The following HCFC1 variants were observed in gnomAD, a reference collection of about 807,000 sequenced individuals.
HCFC1 encodes the protein host cell factor C1.
A neutral mutation model predicts 105.5 loss-of-function variants in HCFC1; 7 were observed. That is an observed-to-expected ratio of 0.07 (90% CI 0.04 to 0.12). The LOEUF (loss-of-function observed/expected upper bound fraction) is 0.12, where lower values mean the gene tolerates loss of function less well. HCFC1 is among the 10% of genes least tolerant of loss of function. The pLI, the probability that HCFC1 is intolerant of heterozygous loss-of-function variation, is 1.00. For synonymous variants in HCFC1, 918 were observed against 828.1 expected, an observed-to-expected ratio of 1.11 and a Z score of -1.86; for missense variants, 1,065 against 1,823.6, an observed-to-expected ratio of 0.58 and a Z score of 7.58.
At chrX:153,949,494 G>T in intron 25 of HCFC1, 59 bp downstream of exon 25, 1 of 1,167,088 alleles carries the variant, frequency 8.6e-7, no homozygotes. Flanking sequence ...ACAAGAGGCT[G>T]AACCCAGCTA....
intron 6 of HCFC1, among the ~76,000 whole-genome samples, chrX:153,960,741 G>GA (rs2004126592): frequency 8.9e-6 from 1 of 112,337 alleles, no homozygotes; most frequent in Non-Finnish European, 1.9e-5. Flanking sequence ...AAGATCTTAA[G>GA]AAAAAACACA....
chrX:153,958,014 C>T lies in HCFC1; in HGVS notation c.2028+11G>A. The T allele has an allele frequency of 8.3e-7, 1 of 1,198,680 alleles. No individual in the cohort carries two copies. Among genetic ancestry groups the T allele is most frequent in the Non-Finnish European group, 1.1e-6 (1 of 883,751 alleles). On this transcript the variant is annotated intron_variant, in intron 11 of 25. Transcript: ENST00000310441. ...GGCAGTGGCCGTAGCCTGGCAGCAC[C>T]CATCACTCACCAGAGCACTGCCTCC...
rs992313733 is a variant in HCFC1, at chrX:153,948,682, G to A, written c.*665C>T. The A allele has an allele frequency of 4.4e-5, 5 of 112,889 alleles. No individual in the cohort carries two copies. Among genetic ancestry groups the A allele is most frequent in the Non-Finnish European group, 7.5e-5 (4 of 53,294 alleles). The allele number at this position is 112,889 out of a possible 1,213,427, so 9.3% of individuals were successfully genotyped here. On this transcript the variant is annotated 3_prime_UTR_variant, in exon 26 of 26. Coordinates refer to ENST00000310441, the MANE Select transcript of HCFC1 (RefSeq NM_005334.3). ...GGCAGTGCGGCCTGCAGGGAGGTCT[G>A]CACAGGCGCTGCCCAGGCCGCCGCG...
In HCFC1 at chrX:153,957,323, C is replaced by T. The variant is rs2065387667; in HGVS notation, c.2344G>A (p.Gly782Ser). ...CGGGGGAGGCCCCTACCCGTGGCGCCCGCCTGGGTGATGATGGCCGACATG... is the reference window on the plus strand; with the variant it reads ...CGGGGGAGGCCCCTACCCGTGGCGCTCGCCTGGGTGATGATGGCCGACATG... ...IPMSAIITQA[G>S]ATGVTSSPGI... Residue 782 changes from glycine to serine, a missense_variant, in exon 13 of 26, where the codon GGC becomes AGC. This residue lies in a region of HCFC1 where 137 missense variants were observed against 378.2 expected (regional missense o/e 0.36). Transcript: ENST00000310441. 1 of 1,196,418 alleles carries T rather than the reference C, an allele frequency of 8.4e-7. No homozygotes were observed. The highest frequency in any genetic ancestry group is 1.1e-6 in the Non-Finnish European group (1 of 885,214).
rs1166131635 is a variant in HCFC1, at chrX:153,951,971, G to A, written c.5130C>T (p.His1710=). 1 of 1,193,482 alleles carries A rather than the reference G, an allele frequency of 8.4e-7. No individual in the cohort carries two copies. The highest frequency in any genetic ancestry group is 1.9e-5 in the South Asian group (1 of 53,740). Residue 1710 remains histidine, a synonymous_variant, in exon 20 of 26, where the codon CAC becomes CAT. Transcript: ENST00000310441. ...GGGCCAGGGCCTCAGTGGGGAGGTGGTGATGCTGCTGCTGGGCCTGGGCCT... is the reference window on the plus strand; with the variant it reads ...GGGCCAGGGCCTCAGTGGGGAGGTGATGATGCTGCTGCTGGGCCTGGGCCT... ...LQEAQAQQQH[H]HLPTEALAPA...
At position 153,952,930 on chromosome X, in the gene HCFC1, C is replaced by A; in HGVS notation, c.4526G>T (p.Gly1509Val). Residue 1509 changes from glycine (G) to valine (V), a missense_variant, in exon 19 of 26, where the codon GGT (glycine) becomes GTT (valine). Gly to Val is a moderately radical substitution (Grantham distance 109). Transcript: ENST00000310441. The part of the protein sequence containing the change: ...PPPEELQVSP[G>V]PRQQLPPRQL... ...CCGTGGCGGCAGCTGCTGGCGAGGACCTGGCGACACCTGGAGTTCCTCTGG... is the reference window on the plus strand; with the variant it reads ...CCGTGGCGGCAGCTGCTGGCGAGGAACTGGCGACACCTGGAGTTCCTCTGG... The A allele has an allele frequency of 2.6e-6, 3 of 1,175,446 alleles. No homozygotes were observed. Among genetic ancestry groups the A allele is most frequent in the Non-Finnish European group, 3.4e-6 (3 of 877,836 alleles).
rs1049572817 is a variant in HCFC1 at position 153,958,522 on chromosome X, T to G, written c.1803+47A>C. On this transcript the variant is annotated intron_variant, in intron 10 of 25. Transcript: ENST00000310441. ...GGCTAACTCTAAAGCCCGGAGGGAATGACTATGCTTGTTTGACCACAGTGA... is the reference window on the plus strand; with the variant it reads ...GGCTAACTCTAAAGCCCGGAGGGAAGGACTATGCTTGTTTGACCACAGTGA... 3.6e-5 allele frequency: 39 copies of G among 1,084,553 alleles called. No homozygotes were observed. In the African/African-American group the frequency reaches 6.1e-4, roughly 17 times the overall value. The allele number at this position is 1,084,553 out of a possible 1,213,427, so 89.4% of individuals were successfully genotyped here.
In HCFC1 at chrX:153,953,733, C is replaced by T; in HGVS notation, c.4371G>A (p.Glu1457=). Residue 1457 remains glutamate (E), a synonymous_variant, in exon 18 of 26, where the codon GAG becomes GAA. Coordinates refer to ENST00000310441, the MANE Select transcript of HCFC1 (RefSeq NM_005334.3). ...PPAASDQGEV[E]STQGDSVNIT... is the part of the protein sequence containing the mutation. ...TGTTCACGCTGTCGCCCTGGGTGCTCTCCACCTCTCCCTGATCGCTGGCAG... is the reference window on the plus strand; with the variant it reads ...TGTTCACGCTGTCGCCCTGGGTGCTTTCCACCTCTCCCTGATCGCTGGCAG... The T allele has an allele frequency of 1.7e-6, 2 of 1,210,114 alleles. No homozygotes were observed. The highest frequency in any genetic ancestry group is 2.2e-6 in the Non-Finnish European group (2 of 894,979).
intron 1 of HCFC1, chrX:153,970,072 G>A (rs782731594): frequency 9.0e-6 from 1 of 110,642 alleles, no homozygotes; most frequent in South Asian, 3.9e-4. Context: ...TTTTTCGAGA[G>A]ACAGAGAACG....
At chrX:153,955,824 G>A (rs1266486980) in intron 16 of HCFC1, among the ~76,000 whole-genome samples, 2 of 112,922 alleles carry the variant, frequency 1.8e-5, no homozygotes, top group Non-Finnish European at 3.7e-5. Flanking sequence ...CTTTGTCAGA[G>A]AATGGAAATC....
chrX:153,955,887 G>A lies in HCFC1; in HGVS notation c.2856+304C>T, dbSNP rs762654. 0.028 allele frequency among the ~76,000 whole-genome samples: 3,138 copies of A among 113,141 alleles called. 107 individuals are homozygous for A. Among genetic ancestry groups the A allele is most frequent in the African/African-American group, 0.094 (2,932 of 31,112 alleles). ...AACGTTTCACCGTTTTCCTTAATATGTATGAACAGAACACTGCACACACAT... is the reference window on the plus strand; with the variant it reads ...AACGTTTCACCGTTTTCCTTAATATATATGAACAGAACACTGCACACACAT... On this transcript the variant is annotated intron_variant, in intron 16 of 25. Transcript: ENST00000310441.
rs189548179 is a variant in HCFC1, at chrX:153,954,605, G to A, written c.3794C>T (p.Ser1265Leu). Reference sequence around the variant, plus strand: ...TGTCACAGTCACTGTGGTGCTGGGCGAGCCACCCTGGAGGCTCTCGCACAC... The same window carrying A: ...TGTCACAGTCACTGTGGTGCTGGGCAAGCCACCCTGGAGGCTCTCGCACAC... Reference protein sequence around the residue: ...APVCESLQGGSPSTTVTVTAL... With the variant: ...APVCESLQGGLPSTTVTVTAL... The change falls in exon 17 of 26, where the codon TCG (serine) becomes TTG (leucine). Residue 1265 changes from serine (S) to leucine (L), a missense_variant. Around this residue, in one of 17 missense-constraint regions of HCFC1, gnomAD observed 546 missense variants for 599.9 expected, o/e 0.91. Coordinates refer to ENST00000310441, the MANE Select transcript of HCFC1 (RefSeq NM_005334.3). 1,165 of 1,208,001 alleles carry A rather than the reference G, an allele frequency of 9.6e-4. No homozygotes were observed. The highest frequency in any genetic ancestry group is 3.6e-3 in the African/African-American group (205 of 57,457).
At position 153,957,895 on chromosome X, in the gene HCFC1, G is replaced by C. The variant is rs374910917; in HGVS notation, c.2029-9C>G. On this transcript the variant is annotated splice_polypyrimidine_tract_variant and intron_variant, in intron 11 of 25. Coordinates refer to ENST00000310441, the MANE Select transcript of HCFC1 (RefSeq NM_005334.3). ...TTGCCCAGATTGGAAATCTAAAAAG[G>C]AAGGGATGGAGCAAGGAGTGATCTG... 1.2e-5 allele frequency: 14 copies of C among 1,182,227 alleles called. No individual in the cohort carries two copies. In the African/African-American group the frequency reaches 1.9e-4, roughly 16 times the overall value.
intron 19 of HCFC1, 57 bp downstream of exon 19, chrX:153,952,457 C>T (rs1278323799): frequency 2.8e-6 from 3 of 1,073,434 alleles, no homozygotes; most frequent in Admixed American, 6.0e-5. Context: ...AGGCTGTCTC[C>T]GCGGCCTATT....
intron 1 of HCFC1, 75 bp from the exon 2 acceptor site, chrX:153,964,801 G>A (rs782293523): frequency 2.4e-5 from 25 of 1,033,851 alleles, no homozygotes; most frequent in Non-Finnish European, 3.1e-5. Context: ...TGTGCCAGCC[G>A]TCAAGCTTGG....
Position 153,958,265 on chromosome X carries a change from A to G in HCFC1, c.1804-16T>C. On this transcript the variant is annotated splice_polypyrimidine_tract_variant and intron_variant, in intron 10 of 25. Coordinates refer to ENST00000310441, the MANE Select transcript of HCFC1 (RefSeq NM_005334.3). ...GGTTGCTCACCTGGAGGAGGCAGAG[A>G]CGAGTGACAGGCCAGGCAAAGAAAG... 2 of 1,170,108 alleles carry G rather than the reference A, an allele frequency of 1.7e-6. No homozygotes were observed. The highest frequency in any genetic ancestry group is 2.3e-6 in the Non-Finnish European group (2 of 858,331).
chrX:153,970,550 AGAGGGAGGGAGCAGATG>A (rs2065521174), intron 1 of HCFC1, 81 bp downstream of exon 1: 1 of 494,524 alleles, frequency 2.0e-6, no homozygotes, highest in Non-Finnish European at 3.2e-6. Flanking sequence ...GGGAGGGAGG[AGAGGGAGGGAGCAGATG>A]GAGGGAGGGA....
chrX:153,950,126 A>C (rs2065296469), intron 24 of HCFC1, 117 bp downstream of exon 24: 1 of 802,403 alleles, frequency 1.2e-6, no homozygotes, highest in Non-Finnish European at 1.7e-6. Flanking sequence ...GTGCGCGCCA[A>C]AGGAAGCAGG....
In HCFC1 at chrX:153,950,988, C is replaced by G. The variant is rs797045609; in HGVS notation, c.5528G>C (p.Gly1843Ala). 14 of 1,209,082 alleles carry G rather than the reference C, an allele frequency of 1.2e-5. No homozygotes were observed. The South Asian group carries it at 2.5e-4, about 21-fold the overall frequency. The change falls in exon 23 of 26, where the codon GGC becomes GCC. Residue 1843 changes from glycine to alanine, a missense_variant. Gly to Ala is a moderately conservative substitution (Grantham distance 60, BLOSUM62 0). Around this residue, in one of 17 missense-constraint regions of HCFC1, gnomAD observed 17 missense variants for 30.5 expected, o/e 0.56. Transcript: ENST00000310441. ...CAGCTGGTTATAGTCAGGGACGGTGCCCAAATCATCCTAGGAAAAGAGGAG... is the reference window on the plus strand; with the variant it reads ...CAGCTGGTTATAGTCAGGGACGGTGGCCAAATCATCCTAGGAAAAGAGGAG... ...DDAVPSDDDLGTVPDYNQLKK... is the reference protein window; with the variant it reads ...DDAVPSDDDLATVPDYNQLKK...
Sources: allele counts gnomAD v4.1 joint callset (sites outside exome capture counted in the v4.1 genomes callset), GRCh38; gene constraint gnomAD v4.1.1; regional missense constraint gnomAD v4.1.1; transcripts MANE v1.5; gene names NCBI Gene and HGNC (gene_info 2026-07-23, HGNC 2026-07-21).